Variants in MTF2 observed in about 807,000 individuals in gnomAD.
MTF2 encodes metal response element binding transcription factor 2.
A neutral mutation model predicts 79.5 loss-of-function variants in MTF2; 11 were observed. That is an observed-to-expected ratio of 0.14 (90% confidence interval 0.09 to 0.23). The LOEUF is 0.23. MTF2 is among the 10% of genes least tolerant of loss of function. MTF2 has a pLI of 1.00. For synonymous variants in MTF2, 208 were observed against 232.8 expected (o/e 0.89, Z 0.97); for missense variants, 486 against 711.2 (o/e 0.68, Z 3.60).
At chr1:93,106,122 G>A (rs1317324983) in intron 1 of MTF2, among the ~76,000 whole-genome samples, 1 of 152,126 alleles carries the variant, frequency 6.6e-6, no homozygotes, top group East Asian at 1.9e-4. Flanking sequence ...ATTAGGTTAG[G>A]TCTCATTTGA....
intron 1 of MTF2, among the ~76,000 whole-genome samples, chr1:93,099,542 A>G (rs1557545832): frequency 6.6e-6 from 1 of 152,172 alleles, no homozygotes; most frequent in Non-Finnish European, 1.5e-5. Context: ...TTCCGAGGGA[A>G]GTTTTCAACA....
chr1:93,118,343 A>G lies in MTF2; in HGVS notation c.633-2A>G. Reference sequence around the variant, plus strand: ...TGTTAACTTTTTTGTTTTTTTTAATAGCTGGTATTTGAAGATGCTACAGTG... The same window carrying G: ...TGTTAACTTTTTTGTTTTTTTTAATGGCTGGTATTTGAAGATGCTACAGTG... On this transcript the variant is annotated splice_acceptor_variant, in intron 6 of 14. Transcript: ENST00000370298. LOFTEE classifies it high-confidence loss of function. 6.5e-7 allele frequency: 1 copy of G among 1,549,480 alleles called. No individual in the cohort carries two copies. The highest frequency in any genetic ancestry group is 8.7e-7 in the Non-Finnish European group (1 of 1,150,486).
intron 1 of MTF2, among the ~76,000 whole-genome samples, chr1:93,096,909 C>T (rs1447297720): frequency 1.3e-5 from 2 of 149,198 alleles, no homozygotes; most frequent in Middle Eastern, 3.2e-3. Context: ...CTCCTGGGCT[C>T]AACTGATCCT....
chr1:93,102,898 G>A (rs1042445350), intron 1 of MTF2, among the ~76,000 whole-genome samples: 8 of 152,132 alleles, frequency 5.3e-5, no homozygotes, highest in African/African-American at 7.2e-5. Flanking sequence ...TTGGAAGGCC[G>A]AGGCGGGCAA....
intron 1 of MTF2, among the ~76,000 whole-genome samples, chr1:93,100,875 G>C (rs1655501998): frequency 6.6e-6 from 1 of 152,192 alleles, no homozygotes; most frequent in African/African-American, 2.4e-5. Context: ...CTTTGGCCCT[G>C]TTTGGCCTCA....
Position 93,119,313 on chromosome 1 carries a change from CTTTT to C in MTF2, c.729-9_729-6del. The C allele has an allele frequency of 4.6e-6, 6 of 1,294,958 alleles. No individual in the cohort carries two copies. The highest frequency in any genetic ancestry group is 1.5e-5 in the South Asian group (1 of 67,594). 80.2% of individuals were successfully genotyped at this position (1,294,958 alleles called of 1,614,324 possible). On this transcript the variant is annotated splice_polypyrimidine_tract_variant and intron_variant, in intron 7 of 14. Coordinates refer to ENST00000370298, the MANE Select transcript of MTF2 (RefSeq NM_007358.4). The stretch of plus-strand genomic sequence containing the variant: ...CTGATGACTCAGTATAAAACTTTTT[CTTTT>C]TTTTTTTTTTCTTAGATTTTATACG...
intron 1 of MTF2, among the ~76,000 whole-genome samples, chr1:93,096,367 C>T (rs1301894228): frequency 6.6e-6 from 1 of 152,174 alleles, no homozygotes; most frequent in African/African-American, 2.4e-5. Flanking sequence ...TATGTTACAA[C>T]TTCCAAGTCT....
intron 9 of MTF2, among the ~76,000 whole-genome samples, chr1:93,126,761 C>T (rs1327934043): frequency 1.3e-5 from 2 of 151,896 alleles, no homozygotes; most frequent in Admixed American, 6.6e-5. Context: ...TAGAGATTAT[C>T]GGTTTATGCT....
chr1:93,100,336 ACT>A (rs1253774348), intron 1 of MTF2, among the ~76,000 whole-genome samples: 2 of 151,840 alleles, frequency 1.3e-5, no homozygotes, highest in African/African-American at 4.8e-5. Flanking sequence ...ACAGAGTCTC[ACT>A]CTGTCGCCCA....
intron 1 of MTF2, among the ~76,000 whole-genome samples, chr1:93,106,368 A>G (rs1337769834): frequency 6.6e-6 from 1 of 152,096 alleles, no homozygotes; most frequent in Admixed American, 6.6e-5. Flanking sequence ...TACAGTTTCT[A>G]CTTTGGAATT....
intron 9 of MTF2, chr1:93,121,754 G>T: frequency 3.3e-6 from 3 of 899,320 alleles, no homozygotes; most frequent in Non-Finnish European, 2.7e-6. Context: ...TTTTTTTTTA[G>T]ATGAAGTCTG....
At chr1:93,135,830 A>G (rs1364196240) in intron 14 of MTF2, among the ~76,000 whole-genome samples, 4 of 152,178 alleles carry the variant, frequency 2.6e-5, no homozygotes, top group Admixed American at 2.6e-4. Flanking sequence ...AAAGAGAACA[A>G]TTTTTTGAGT....
At chr1:93,121,536 A>G (rs1656477938) in intron 9 of MTF2, 1 of 984,608 alleles carries the variant, frequency 1.0e-6, no homozygotes, top group Non-Finnish European at 1.2e-6. Context: ...CACGAAGGAC[A>G]TCCTATTTCA....
chr1:93,103,644 ACAT>A (rs1363001051), intron 1 of MTF2, among the ~76,000 whole-genome samples: 1 of 152,068 alleles, frequency 6.6e-6, no homozygotes, highest in African/African-American at 2.4e-5. Context: ...TATTATTCTA[ACAT>A]CAGCATGTTT....
chr1:93,103,648 C>G (rs1456644074), intron 1 of MTF2, among the ~76,000 whole-genome samples: 1 of 151,812 alleles, frequency 6.6e-6, no homozygotes, highest in Non-Finnish European at 1.5e-5. Flanking sequence ...ATTCTAACAT[C>G]AGCATGTTTA....
chr1:93,104,722 T>C (rs1655691514), intron 1 of MTF2, among the ~76,000 whole-genome samples: 1 of 151,602 alleles, frequency 6.6e-6, no homozygotes, highest in African/African-American at 2.4e-5. Context: ...AGTTAAACTC[T>C]TTAAATATTG....
chr1:93,080,664 T>C (rs1654566382), intron 1 of MTF2, among the ~76,000 whole-genome samples: 1 of 152,122 alleles, frequency 6.6e-6, no homozygotes, highest in Non-Finnish European at 1.5e-5. Context: ...GTAGTAATAG[T>C]AGTTACTTTC....
chr1:93,111,889 C>T (rs530965746), intron 3 of MTF2, among the ~76,000 whole-genome samples: 16 of 152,012 alleles, frequency 1.1e-4, no homozygotes, highest in Admixed American at 7.2e-4. Context: ...GCTTTTTACT[C>T]CCCTTCCATT....
At chr1:93,084,946 A>T (rs1339603260) in intron 1 of MTF2, among the ~76,000 whole-genome samples, 1 of 152,228 alleles carries the variant, frequency 6.6e-6, no homozygotes, top group Non-Finnish European at 1.5e-5. Flanking sequence ...CCTTGATAAG[A>T]TAAAGCATCA....
Sources: allele counts gnomAD v4.1 joint callset (sites outside exome capture counted in the v4.1 genomes callset), GRCh38; gene constraint gnomAD v4.1.1; transcripts MANE v1.5; gene names NCBI Gene and HGNC (gene_info 2026-07-23, HGNC 2026-07-21).